BTD: variants seen among roughly 807,000 people sequenced by gnomAD.
The protein encoded by BTD is biotinidase.
A neutral mutation model predicts 17.7 loss-of-function variants in BTD; 13 were observed. The ratio of observed to expected loss-of-function variants is 0.74; its 90% CI spans 0.48 to 1.17. BTD has a LOEUF of 1.17. BTD is among the 50% of genes most tolerant of loss of function. The probability of loss-of-function intolerance (pLI) is 0.00; values close to 1 mark genes in which losing one functional copy is unlikely to be tolerated. For synonymous variants in BTD, 240 were observed against 245.2 expected (o/e 0.98, Z 0.20); for missense variants, 674 against 650.4 (o/e 1.04, Z -0.39).
At chr3:15,659,327 A>G (rs2065900079) in intron 3 of BTD, among the ~76,000 whole-genome samples, 1 of 148,560 alleles carries the variant, frequency 6.7e-6, no homozygotes, top group Non-Finnish European at 1.5e-5. Flanking sequence ...AGGCAGATCC[A>G]TGCCTGGGAA....
intron 3 of BTD, among the ~76,000 whole-genome samples, chr3:15,701,972 T>TTA (rs150793684): frequency 0.09 from 13,632 of 152,234 alleles, 678 homozygotes; most frequent in South Asian, 0.12. Context: ...TCTCTAGATG[T>TTA]TAGTGATAAA....
At chr3:15,668,254 T>C (rs1246699377) in intron 3 of BTD, 7 of 152,166 alleles carry the variant, frequency 4.6e-5, no homozygotes, top group Non-Finnish European at 1.0e-4. Context: ...CTCAGGTCTC[T>C]TTCAATTCTG....
At chr3:15,719,796 C>G (rs186075849) in intron 4 of BTD, among the ~76,000 whole-genome samples, 11 of 152,174 alleles carry the variant, frequency 7.2e-5, no homozygotes, top group Non-Finnish European at 1.5e-4. Flanking sequence ...CTCAAGTGAT[C>G]TTCTCGCCTT....
intron 1 of BTD, among the ~76,000 whole-genome samples, chr3:15,628,792 ATTTCCT>A (rs771792374): frequency 3.9e-5 from 6 of 152,208 alleles, no homozygotes; most frequent in Non-Finnish European, 8.8e-5. Context: ...ACCACCGAAG[ATTTCCT>A]TTAACTTTCC....
At chr3:15,678,184 T>C (rs1311121446) in intron 3 of BTD, 18 of 1,587,252 alleles carry the variant, frequency 1.1e-5, no homozygotes, top group Non-Finnish European at 1.5e-5. Flanking sequence ...CTTAGGAAAA[T>C]ACAATTTTAA....
At chr3:15,607,552 T>C (rs576266572) in intron 1 of BTD, among the ~76,000 whole-genome samples, 1 of 152,390 alleles carries the variant, frequency 6.6e-6, no homozygotes, top group East Asian at 1.9e-4. Flanking sequence ...TGCATTTTAA[T>C]TTCCGTATAC....
chr3:15,686,677 T>A (rs2068163632), intron 3 of BTD, among the ~76,000 whole-genome samples: 1 of 152,160 alleles, frequency 6.6e-6, no homozygotes, highest in Non-Finnish European at 1.5e-5. Flanking sequence ...AACCCCATTC[T>A]CCTCTGACAG....
chr3:15,653,715 T>A (rs2065840630), downstream of BTD, among the ~76,000 whole-genome samples: 1 of 152,246 alleles, frequency 6.6e-6, no homozygotes, highest in South Asian at 2.1e-4. Context: ...TTATGTATAA[T>A]GTGATTTGTA....
rs2065790228 is a variant in BTD, at chr3:15,650,860, C to G, written c.*5372C>G. On this transcript the variant is annotated 3_prime_UTR_variant, in exon 4 of 4. Transcript: ENST00000643237. ...TCTCGGCTCACTGCAAGCTCTGCCTCCCGAGTTCAAGCGATTCTCCTGCCT... is the reference window on the plus strand; with the variant it reads ...TCTCGGCTCACTGCAAGCTCTGCCTGCCGAGTTCAAGCGATTCTCCTGCCT... Among the ~76,000 whole-genome samples, 1 of 152,180 alleles carries G rather than the reference C, an allele frequency of 6.6e-6. No individual in the cohort carries two copies. Among genetic ancestry groups the G allele is most frequent in the Non-Finnish European group, 1.5e-5 (1 of 68,038 alleles).
At chr3:15,617,640 T>C (rs2064832965) in intron 1 of BTD, among the ~76,000 whole-genome samples, 1 of 152,168 alleles carries the variant, frequency 6.6e-6, no homozygotes, top group Non-Finnish European at 1.5e-5. Flanking sequence ...GTTCAATAGT[T>C]TTCTTTAGGA....
chr3:15,713,573 C>G, downstream of BTD: 1 of 1,611,346 alleles, frequency 6.2e-7, no homozygotes, highest in Non-Finnish European at 8.5e-7. Flanking sequence ...ATCAGCAGCT[C>G]ATGGCCATAC....
At chr3:15,612,985 C>A (rs2064680296) in intron 1 of BTD, among the ~76,000 whole-genome samples, 1 of 152,162 alleles carries the variant, frequency 6.6e-6, no homozygotes, top group Non-Finnish European at 1.5e-5. Flanking sequence ...TCAAGGTCAG[C>A]CGGGGAGAGA....
At chr3:15,656,474 G>C (rs2065872737), downstream of BTD, among the ~76,000 whole-genome samples, 1 of 152,186 alleles carries the variant, frequency 6.6e-6, no homozygotes, top group Admixed American at 6.5e-5. Context: ...ATTGCATTAA[G>C]GATATAAAAA....
chr3:15,713,677 T>C (rs368630391), downstream of BTD: 211 of 1,403,524 alleles, frequency 1.5e-4, no homozygotes, highest in African/African-American at 2.9e-3. Context: ...CACTGGACCA[T>C]ATAAAGATCA....
intron 3 of BTD, chr3:15,667,432 C>G (rs1239674565): frequency 6.6e-6 from 1 of 152,160 alleles, no homozygotes; most frequent in African/African-American, 2.4e-5. Flanking sequence ...TATTATAATA[C>G]ACATCAGATA....
intron 3 of BTD, among the ~76,000 whole-genome samples, chr3:15,680,448 C>T (rs2067423058): frequency 6.6e-6 from 1 of 152,030 alleles, no homozygotes; most frequent in South Asian, 2.1e-4. Context: ...CTCAGGTGAT[C>T]CACCTGCCTC....
intron 3 of BTD, among the ~76,000 whole-genome samples, chr3:15,689,282 G>A (rs185270621): frequency 1.1e-4 from 17 of 152,288 alleles, no homozygotes; most frequent in Admixed American, 9.2e-4. Context: ...CAACACAGGC[G>A]CCTCTCTGAT....
chr3:15,613,945 T>G (rs1018144725), intron 1 of BTD, among the ~76,000 whole-genome samples: 2 of 152,100 alleles, frequency 1.3e-5, no homozygotes, highest in African/African-American at 4.8e-5. Flanking sequence ...CGTCTAAGAT[T>G]TTTTTCTTCT....
intron 1 of BTD, 72 bp downstream of exon 1, chr3:15,601,966 C>G: frequency 6.3e-7 from 1 of 1,589,526 alleles, no homozygotes; most frequent in East Asian, 2.3e-5. Flanking sequence ...GCCCCGGGCG[C>G]CCAGTTGGAC....
Sources: gnomAD v4.1 joint callset for allele counts (sites outside exome capture counted in the v4.1 genomes callset) on GRCh38, gnomAD v4.1.1 for gene constraint, MANE v1.5 for transcripts, NCBI Gene and HGNC (gene_info 2026-07-23, HGNC 2026-07-21) for gene names.